The following RAET1G variants were observed in gnomAD, a reference collection of about 807,000 sequenced individuals.
RAET1G encodes retinoic acid early transcript 1G, also known as UL-16 binding protein 5.
A neutral mutation model predicts 29.5 loss-of-function variants in RAET1G; 25 were observed. That is an observed-to-expected ratio of 0.85 (90% confidence interval 0.62 to 1.18). The LOEUF (loss-of-function observed/expected upper bound fraction) is 1.18. RAET1G is among the 50% of genes most tolerant of loss of function. RAET1G has a pLI of 0.00. For missense variants in RAET1G, 434 were observed against 423.6 expected, an observed-to-expected ratio of 1.02 and a Z score of -0.22; for synonymous variants, 167 against 159.5, an observed-to-expected ratio of 1.05 and a Z score of -0.36.
chr6:149,919,816 T>G lies in RAET1G; in HGVS notation c.86A>C (p.Asp29Ala). The G allele has an allele frequency of 6.2e-7, 1 of 1,611,788 alleles. No individual in the cohort carries two copies. Among genetic ancestry groups the G allele is most frequent in the Non-Finnish European group, 8.5e-7 (1 of 1,179,812 alleles). ...GATGTCATAGCAAAGAGAGTGAGGGTCTGTGGAGAAAGGCAGGTGAGGGGT... is the reference window on the plus strand; with the variant it reads ...GATGTCATAGCAAAGAGAGTGAGGGGCTGTGGAGAAAGGCAGGTGAGGGGT... ...LSSWCRTGLA[D>A]PHSLCYDITV... The change falls in exon 2 of 5, where the codon GAC becomes GCC. Residue 29 changes from aspartate to alanine, a missense_variant and splice_region_variant. Coordinates refer to ENST00000367360, the MANE Select transcript of RAET1G (RefSeq NM_001001788.4).
At chr6:149,918,433 G>A in intron 3 of RAET1G, 49 bp from the exon 4 acceptor site, 1 of 1,583,700 alleles carries the variant, frequency 6.3e-7, no homozygotes. Flanking sequence ...CCCCAAATCT[G>A]AGGAGATGCC....
intron 4 of RAET1G, among the ~76,000 whole-genome samples, chr6:149,917,939 C>A (rs1253658542): frequency 6.6e-6 from 1 of 152,222 alleles, no homozygotes; most frequent in Non-Finnish European, 1.5e-5. Context: ...GACCCTGAGC[C>A]TTGGTATGGC....
At chr6:149,917,191 G>A (rs1778463325) in intron 4 of RAET1G, 117 bp from the exon 5 acceptor site, 2 of 1,353,496 alleles carry the variant, frequency 1.5e-6, no homozygotes, top group African/African-American at 3.0e-5. Flanking sequence ...AGGTGTACAG[G>A]GCGGAACATG....
intron 1 of RAET1G, among the ~76,000 whole-genome samples, chr6:149,920,167 G>A (rs1309490183): frequency 6.6e-6 from 1 of 152,224 alleles, no homozygotes; most frequent in African/African-American, 2.4e-5. Flanking sequence ...CACGTGGACT[G>A]TGGGAGGTGG....
intron 1 of RAET1G, 31 bp downstream of exon 1, chr6:149,922,895 C>G (rs1209384611): frequency 1.1e-5 from 17 of 1,529,748 alleles, no homozygotes; most frequent in Non-Finnish European, 1.5e-5. Context: ...GGTTGGCCTC[C>G]GCCCCGCTTA....
At chr6:149,917,935 G>A (rs575404095) in intron 4 of RAET1G, among the ~76,000 whole-genome samples, 2 of 152,322 alleles carry the variant, frequency 1.3e-5, no homozygotes, top group African/African-American at 2.4e-5. Context: ...AACAGACCCT[G>A]AGCCTTGGTA....
At chr6:149,920,762 AG>A (rs1778582127) in intron 1 of RAET1G, among the ~76,000 whole-genome samples, 1 of 152,238 alleles carries the variant, frequency 6.6e-6, no homozygotes, top group Non-Finnish European at 1.5e-5. Flanking sequence ...TGGAGACCTC[AG>A]TCATACAAAG....
chr6:149,918,901 C>T lies in RAET1G; in HGVS notation c.631+142G>A, dbSNP rs1582798800. ...TGGGAGAGCACAGGCACGCCAGCACCCCCAGGAGGAGCACCCCACGAGGAG... is the reference window on the plus strand; with the variant it reads ...TGGGAGAGCACAGGCACGCCAGCACTCCCAGGAGGAGCACCCCACGAGGAG... On this transcript the variant is annotated intron_variant, in intron 3 of 4. Transcript: ENST00000367360. The T allele has an allele frequency of 5.1e-6, 7 of 1,373,324 alleles. No individual in the cohort carries two copies. The East Asian group carries it at 1.6e-4, about 32-fold the overall frequency. The allele number at this position is 1,373,324 out of a possible 1,614,324, so 85.1% of individuals were successfully genotyped here.
At position 149,916,907 on chromosome 6, in the gene RAET1G, AACCATCAAGATATGGAG is replaced by A; in HGVS notation, c.993_*4del. On this transcript the variant is annotated stop_lost and 3_prime_UTR_variant, in exon 5 of 5. Coordinates refer to ENST00000367360, the MANE Select transcript of RAET1G (RefSeq NM_001001788.4). ...GAAGAAAAGACAGCTGGGCCCAGGG[AACCATCAAGATATGGAG>A]ACCTGTAGTGGCTCCGAATACCTGG... 1 of 1,506,110 alleles carries A rather than the reference AACCATCAAGATATGGAG, an allele frequency of 6.6e-7. No homozygotes were observed. 93.3% of individuals were successfully genotyped at this position (1,506,110 alleles called of 1,614,324 possible).
At position 149,922,990 on chromosome 6, in the gene RAET1G, G is replaced by T. The variant is rs761800720; in HGVS notation, c.21C>A (p.Pro7=). The T allele has an allele frequency of 3.4e-5, 54 of 1,604,096 alleles. No individual in the cohort carries two copies. The highest frequency in any genetic ancestry group is 4.3e-5 in the Non-Finnish European group (51 of 1,176,128). MAAAAS[P]AFLLRLPLLL... ...GAAGCGGGAGGCGTAGAAGGAACGC[G>T]GGGCTGGCGGCCGCTGCCATTGGGG... is the stretch of plus-strand genomic sequence containing the variant. The change falls in exon 1 of 5, where the codon CCC becomes CCA. Residue 7 remains proline, a synonymous_variant. Coordinates refer to ENST00000367360, the MANE Select transcript of RAET1G (RefSeq NM_001001788.4).
In RAET1G at chr6:149,918,511, C is replaced by T. The variant is rs1341791527; in HGVS notation, c.632-127G>A. On this transcript the variant is annotated intron_variant, in intron 3 of 4. Coordinates refer to ENST00000367360, the MANE Select transcript of RAET1G (RefSeq NM_001001788.4). ...TTTTGTCCCCTCTGCTATGGGGCAG[C>T]CCCTGGGAGAGTTCCTGGGGTAGGA... 5 of 1,110,196 alleles carry T rather than the reference C, an allele frequency of 4.5e-6. No individual in the cohort carries two copies. In the East Asian group the frequency reaches 1.0e-4, roughly 23 times the overall value. 68.8% of individuals were successfully genotyped at this position (1,110,196 alleles called of 1,614,324 possible).
intron 2 of RAET1G, 91 bp from the exon 3 acceptor site, chr6:149,919,415 T>C: frequency 6.3e-7 from 1 of 1,599,720 alleles, no homozygotes; most frequent in Non-Finnish European, 8.5e-7. Flanking sequence ...TTACTTGCTC[T>C]GCCACATCCT....
intron 3 of RAET1G, 78 bp downstream of exon 3, chr6:149,918,965 G>C (rs750328634): frequency 6.3e-7 from 1 of 1,589,186 alleles, no homozygotes; most frequent in Non-Finnish European, 8.6e-7. Context: ...GATGATTGAA[G>C]CTGAACTCAA....
chr6:149,917,066 A>G lies in RAET1G; in HGVS notation c.851T>C (p.Ile284Thr), dbSNP rs778510225. ...TCCACCAGACAAGGGGCGCTTCGCT[A>G]TTTGGTAGCTGAGGCGGAGAGAGAG... Reference protein sequence around the residue: ...RRVLWSDSYQIAKRPLSGGHV... With the variant: ...RRVLWSDSYQTAKRPLSGGHV... The change falls in exon 5 of 5, where the codon ATA (isoleucine) becomes ACA (threonine). Residue 284 changes from isoleucine (I) to threonine (T), a missense_variant. Coordinates refer to ENST00000367360, the MANE Select transcript of RAET1G (RefSeq NM_001001788.4). 1.3e-6 allele frequency: 2 copies of G among 1,546,672 alleles called. No individual in the cohort carries two copies. The highest frequency in any genetic ancestry group is 2.4e-5 in the South Asian group (2 of 82,950).
Position 149,917,038 on chromosome 6 carries a change from G to A in RAET1G, c.879C>T (p.His293=), listed in dbSNP as rs565027462. ...QIAKRPLSGG[H]VTRVTLPIIG... is the part of the protein sequence containing the mutation. The stretch of plus-strand genomic sequence containing the variant: ...TGATAGGTAAAGTCACGCGAGTCAC[G>A]TGTCCACCAGACAAGGGGCGCTTCG... Residue 293 remains histidine (H), a synonymous_variant, in exon 5 of 5, where the codon CAC becomes CAT. Coordinates refer to ENST00000367360, the MANE Select transcript of RAET1G (RefSeq NM_001001788.4). 7 of 1,549,902 alleles carry A rather than the reference G, an allele frequency of 4.5e-6. No individual in the cohort carries two copies. The highest frequency in any genetic ancestry group is 4.9e-5 in the East Asian group (2 of 40,902).
chr6:149,923,103 T>G lies in RAET1G; in HGVS notation c.-93A>C. On this transcript the variant is annotated 5_prime_UTR_variant, in exon 1 of 5. Coordinates refer to ENST00000367360, the MANE Select transcript of RAET1G (RefSeq NM_001001788.4). ...GCTGTCTGAATGCAGCCCGTCTGAA[T>G]GCAGCCCTAAACTCCAGTAAGCCCT... 3.6e-6 allele frequency: 3 copies of G among 827,376 alleles called. No homozygotes were observed. Among genetic ancestry groups the G allele is most frequent in the Non-Finnish European group, 5.6e-6 (3 of 534,600 alleles). 51.3% of individuals were successfully genotyped at this position (827,376 alleles called of 1,614,324 possible).
chr6:149,917,159 C>T (rs889625965), intron 4 of RAET1G, 85 bp from the exon 5 acceptor site: 29 of 1,433,536 alleles, frequency 2.0e-5, no homozygotes, highest in Middle Eastern at 2.5e-4. Flanking sequence ...AATTCTGCTA[C>T]CGCTATCTAG....
In RAET1G at chr6:149,923,088, T is replaced by C; in HGVS notation, c.-78A>G. 1 of 733,354 alleles carries C rather than the reference T, an allele frequency of 1.4e-6. No homozygotes were observed. Among genetic ancestry groups the C allele is most frequent in the Non-Finnish European group, 1.9e-6 (1 of 533,374 alleles). The allele number at this position is 733,354 out of a possible 1,614,324, so 45.4% of individuals were successfully genotyped here. ...CCTGGCGGCTCGCAGGCTGTCTGAATGCAGCCCGTCTGAATGCAGCCCTAA... is the reference window on the plus strand; with the variant it reads ...CCTGGCGGCTCGCAGGCTGTCTGAACGCAGCCCGTCTGAATGCAGCCCTAA... On this transcript the variant is annotated 5_prime_UTR_variant, in exon 1 of 5. Transcript: ENST00000367360.
chr6:149,921,495 G>C (rs1383352209), intron 1 of RAET1G, among the ~76,000 whole-genome samples: 1 of 152,202 alleles, frequency 6.6e-6, no homozygotes, highest in Non-Finnish European at 1.5e-5. Context: ...TAGGAAGAGA[G>C]GTCTGGCAGT....
Sources: allele counts gnomAD v4.1 joint callset (sites outside exome capture counted in the v4.1 genomes callset), GRCh38; gene constraint gnomAD v4.1.1; transcripts MANE v1.5; gene names NCBI Gene and HGNC (gene_info 2026-07-23, HGNC 2026-07-21).